Variants in NUP205 observed in about 807,000 individuals in gnomAD.
NUP205 encodes the protein nuclear pore complex protein Nup205.
A neutral mutation model predicts 253.8 loss-of-function variants in NUP205; 76 were observed. That is an observed-to-expected ratio of 0.30 (90% CI 0.25 to 0.36). The LOEUF (loss-of-function observed/expected upper bound fraction) is 0.36, where lower values mean the gene tolerates loss of function less well. Ranked by LOEUF, NUP205 falls within the 10% of genes least tolerant of loss-of-function variation. NUP205 has a pLI of 1.00. For missense variants in NUP205, 2,162 were observed against 2,425.5 expected (o/e 0.89, Z 2.28); for synonymous variants, 832 against 850.1 (o/e 0.98, Z 0.37).
intron 38 of NUP205, among the ~76,000 whole-genome samples, chr7:135,639,725 A>T (rs573867130): frequency 1.1e-3 from 166 of 152,138 alleles, no homozygotes; most frequent in African/African-American, 3.4e-3. Context: ...AACCCAAAGG[A>T]TTATAAATCA....
intron 1 of NUP205, among the ~76,000 whole-genome samples, chr7:135,570,052 TAGAGAGAGAGAGAGAGAG>T (rs373590569): frequency 2.1e-4 from 17 of 79,186 alleles, no homozygotes; most frequent in African/African-American, 7.3e-4. Context: ...TATATATATA[TAGAGAGAGAGAGAGAGAG>T]AGAGAGAGAG....
At position 135,617,823 on chromosome 7, in the gene NUP205, T is replaced by C. The variant is rs1794392787; in HGVS notation, c.3771+141T>C. 3 of 472,342 alleles carry C rather than the reference T, an allele frequency of 6.4e-6. No homozygotes were observed. The South Asian group carries it at 1.3e-4, about 21-fold the overall frequency. 29.3% of individuals were successfully genotyped at this position (472,342 alleles called of 1,614,324 possible). A position where few individuals can be genotyped will look rare whatever the true frequency, so the allele number is the denominator to read the frequency against. Reference sequence around the variant, plus strand: ...TAAACATTTAGGGAGTCTTTCACTTTTGATTTTATAACTTTTATAAACTGA... The same window carrying C: ...TAAACATTTAGGGAGTCTTTCACTTCTGATTTTATAACTTTTATAAACTGA... On this transcript the variant is annotated intron_variant, in intron 27 of 42. Coordinates refer to ENST00000285968, the MANE Select transcript of NUP205 (RefSeq NM_015135.3).
At chr7:135,624,532 C>T (rs557814359) in intron 31 of NUP205, among the ~76,000 whole-genome samples, 8 of 152,244 alleles carry the variant, frequency 5.3e-5, no homozygotes, top group South Asian at 2.1e-4. Context: ...CCCACCACCA[C>T]GCCCAGCTAA....
intron 1 of NUP205, among the ~76,000 whole-genome samples, chr7:135,559,571 A>G (rs1002316557): frequency 2.0e-5 from 3 of 151,504 alleles, no homozygotes; most frequent in African/African-American, 4.9e-5. Flanking sequence ...GGGTTTCTCC[A>G]TGTTGGCTAG....
chr7:135,611,239 A>G (rs1362971889), intron 22 of NUP205, among the ~76,000 whole-genome samples: 1 of 151,972 alleles, frequency 6.6e-6, no homozygotes, highest in Non-Finnish European at 1.5e-5. Flanking sequence ...CAAACTCCTG[A>G]CCTCAGGTGA....
Position 135,603,505 on chromosome 7 carries a change from C to CTT in NUP205, c.2702+524_2702+525dup, listed in dbSNP as rs532195219. Among the ~76,000 whole-genome samples the CTT allele has an allele frequency of 1.3e-4, 19 of 142,258 alleles. No homozygotes were observed. In the South Asian group the frequency reaches 1.8e-3, roughly 13 times the overall value. The allele number at this position is 142,258 out of a possible 152,430, so 93.3% of individuals were successfully genotyped here. ...TCCATGTTCTAAGAATCTAAGTCTA[C>CTT]TTTTTTTTTTTTTTGTCTTTTTGAG... is the stretch of plus-strand genomic sequence containing the variant. On this transcript the variant is annotated intron_variant, in intron 18 of 42. Transcript: ENST00000285968.
chr7:135,600,355 T>C (rs569939964), intron 15 of NUP205, among the ~76,000 whole-genome samples: 1 of 152,308 alleles, frequency 6.6e-6, no homozygotes, highest in South Asian at 2.1e-4. Flanking sequence ...GGAACCCTGG[T>C]CTGAGAATGA....
chr7:135,581,268 G>A (rs886559928), intron 7 of NUP205, among the ~76,000 whole-genome samples: 3 of 152,176 alleles, frequency 2.0e-5, no homozygotes, highest in African/African-American at 7.2e-5. Flanking sequence ...ATGAAGCCAG[G>A]TGCAGTGCCT....
At chr7:135,639,725 A>G (rs573867130) in intron 38 of NUP205, among the ~76,000 whole-genome samples, 1 of 152,020 alleles carries the variant, frequency 6.6e-6, no homozygotes, top group African/African-American at 2.4e-5. Context: ...AACCCAAAGG[A>G]TTATAAATCA....
intron 38 of NUP205, among the ~76,000 whole-genome samples, chr7:135,641,566 A>G (rs1409542588): frequency 6.6e-6 from 1 of 151,664 alleles, no homozygotes; most frequent in Non-Finnish European, 1.5e-5. Flanking sequence ...CCCAGAAGGT[A>G]GAGACCAGCC....
intron 33 of NUP205, among the ~76,000 whole-genome samples, chr7:135,626,850 T>G (rs907634510): frequency 1.3e-5 from 2 of 152,202 alleles, no homozygotes; most frequent in Non-Finnish European, 2.9e-5. Context: ...TGATTTGATT[T>G]TCTTTTTTGT....
chr7:135,618,834 G>A (rs887847670), intron 28 of NUP205, among the ~76,000 whole-genome samples: 6 of 152,078 alleles, frequency 3.9e-5, no homozygotes, highest in Non-Finnish European at 8.8e-5. Context: ...CATGGACAGA[G>A]CCCACCCCAG....
At chr7:135,600,296 C>G (rs1040040138) in intron 15 of NUP205, among the ~76,000 whole-genome samples, 7 of 152,116 alleles carry the variant, frequency 4.6e-5, no homozygotes, top group East Asian at 1.9e-4. Context: ...TTGGGGCAAG[C>G]CTACCAGTGA....
At chr7:135,604,997 A>G (rs1423504821) in intron 19 of NUP205, among the ~76,000 whole-genome samples, 2 of 151,892 alleles carry the variant, frequency 1.3e-5, no homozygotes, top group Non-Finnish European at 2.9e-5. Context: ...TTTCTTTATG[A>G]ACATTTCATC....
intron 25 of NUP205, 47 bp downstream of exon 25, chr7:135,616,773 T>TAA (rs35690290): frequency 1.3e-3 from 1,142 of 860,572 alleles, no homozygotes; most frequent in South Asian, 2.5e-3. Context: ...AGACATATAT[T>TAA]AAAAAAAAAA....
rs1188014298 is a variant in NUP205, at chr7:135,601,350, A to G, written c.2375-20A>G. On this transcript the variant is annotated intron_variant, in intron 16 of 42. Transcript: ENST00000285968. ...AAATACTAACCCATCATCTCTTGGAATATGTTATGTTCTATTTAGGAGAAG... is the reference window on the plus strand; with the variant it reads ...AAATACTAACCCATCATCTCTTGGAGTATGTTATGTTCTATTTAGGAGAAG... The G allele has an allele frequency of 3.7e-6, 6 of 1,600,768 alleles. No homozygotes were observed. The highest frequency in any genetic ancestry group is 5.1e-6 in the Non-Finnish European group (6 of 1,174,234).
At chr7:135,638,445 G>A in intron 37 of NUP205, 112 bp from the exon 38 acceptor site, 3 of 825,758 alleles carry the variant, frequency 3.6e-6, no homozygotes, top group East Asian at 2.7e-5. Flanking sequence ...ATACACAGAT[G>A]TGAGTCATTT....
At chr7:135,585,051 A>G (rs1336209536) in intron 8 of NUP205, 44 bp downstream of exon 8, 3 of 1,450,820 alleles carry the variant, frequency 2.1e-6, no homozygotes, top group Non-Finnish European at 2.8e-6. Context: ...GAAGAATTTT[A>G]TAAAATAATT....
At chr7:135,559,224 C>A (rs942535944) in intron 1 of NUP205, among the ~76,000 whole-genome samples, 2 of 152,142 alleles carry the variant, frequency 1.3e-5, no homozygotes, top group African/African-American at 4.8e-5. Context: ...TTAAGCACAA[C>A]CTAATTCATT....
Sources: gnomAD v4.1 joint callset for allele counts (sites outside exome capture counted in the v4.1 genomes callset) on GRCh38, gnomAD v4.1.1 for gene constraint, MANE v1.5 for transcripts, NCBI Gene and HGNC (gene_info 2026-07-23, HGNC 2026-07-21) for gene names.